The following PHC3 variants were observed in gnomAD, a reference collection of about 807,000 sequenced individuals.
The protein encoded by PHC3 is polyhomeotic-like protein 3.
A neutral mutation model predicts 107.4 loss-of-function variants in PHC3; 13 were observed. The observed-to-expected ratio is 0.12, with a 90% confidence interval of 0.08 to 0.19. PHC3 has a LOEUF of 0.19. Ranked by LOEUF, PHC3 falls within the 10% of genes least tolerant of loss-of-function variation. PHC3 has a pLI of 1.00. For synonymous variants in PHC3, 456 were observed against 427.4 expected (o/e 1.07, Z -0.83); for missense variants, 992 against 1,210.9 (o/e 0.82, Z 2.68).
At chr3:170,100,317 C>G (rs1179795875) in intron 14 of PHC3, among the ~76,000 whole-genome samples, 2 of 151,926 alleles carry the variant, frequency 1.3e-5, no homozygotes, top group Non-Finnish European at 2.9e-5. Flanking sequence ...AAAAGAAGCT[C>G]AAAACGAAAT....
At chr3:170,162,338 C>T (rs930573193) in intron 4 of PHC3, among the ~76,000 whole-genome samples, 4 of 152,182 alleles carry the variant, frequency 2.6e-5, no homozygotes, top group Admixed American at 6.5e-5. Context: ...GTGTCTAATA[C>T]ACATCATCAA....
intron 10 of PHC3, among the ~76,000 whole-genome samples, chr3:170,113,888 A>G (rs1718357786): frequency 6.6e-6 from 1 of 152,232 alleles, no homozygotes; most frequent in East Asian, 1.9e-4. Context: ...CCAACACTGA[A>G]AAACAAAGGC....
intron 4 of PHC3, among the ~76,000 whole-genome samples, chr3:170,153,776 A>AC (rs1409639695): frequency 2.0e-5 from 3 of 151,684 alleles, no homozygotes; most frequent in South Asian, 4.2e-4. Context: ...AAAAAAAAAA[A>AC]AAGAATCTTC....
At chr3:170,146,351 G>T (rs1724940270) in intron 5 of PHC3, among the ~76,000 whole-genome samples, 1 of 148,058 alleles carries the variant, frequency 6.8e-6, no homozygotes, top group Non-Finnish European at 1.5e-5. Context: ...CTCCAGCCTG[G>T]ATGACAGAGC....
intron 5 of PHC3, chr3:170,148,875 TA>T (rs1427838257): frequency 1.1e-4 from 51 of 471,552 alleles, no homozygotes; most frequent in African/African-American, 9.5e-4. Flanking sequence ...CTCAATGTAA[TA>T]ATTACTATTT....
rs923078619 is a variant in PHC3, at chr3:170,092,864, A to G, written c.*4366T>C. ...GACAGTGGGTATAGAGAGTGAAAGA[A>G]TGAGTCTGATTACAGGTAAATCTTG... is the stretch of plus-strand genomic sequence containing the variant. On this transcript the variant is annotated 3_prime_UTR_variant, in exon 15 of 15. Coordinates refer to ENST00000495893, the MANE Select transcript of PHC3 (RefSeq NM_024947.4). 2 of 152,246 alleles carry G rather than the reference A, an allele frequency of 1.3e-5. No individual in the cohort carries two copies. The highest frequency in any genetic ancestry group is 4.8e-5 in the African/African-American group (2 of 41,464). 9.4% of individuals were successfully genotyped at this position (152,246 alleles called of 1,614,324 possible).
intron 7 of PHC3, among the ~76,000 whole-genome samples, chr3:170,135,464 T>A (rs1012252362): frequency 6.6e-6 from 1 of 151,796 alleles, no homozygotes; most frequent in Non-Finnish European, 1.5e-5. Context: ...TTTTTTTTTT[T>A]AATGAAACAT....
intron 2 of PHC3, among the ~76,000 whole-genome samples, chr3:170,173,186 C>T (rs1201174533): frequency 6.6e-6 from 1 of 151,146 alleles, no homozygotes; most frequent in Non-Finnish European, 1.5e-5. Context: ...CAGCAAGACT[C>T]CCATCTCAAA....
intron 7 of PHC3, among the ~76,000 whole-genome samples, chr3:170,136,179 T>G (rs1401324959): frequency 6.6e-6 from 1 of 152,198 alleles, no homozygotes; most frequent in Non-Finnish European, 1.5e-5. Context: ...GACCAGTGCT[T>G]AAAGATGATA....
At chr3:170,172,480 A>G in intron 3 of PHC3, 77 bp downstream of exon 3, 1 of 1,474,960 alleles carries the variant, frequency 6.8e-7, no homozygotes, top group Non-Finnish European at 9.2e-7. Context: ...CTGAAATAAT[A>G]CCCAATCTAT....
chr3:170,181,153 AG>A (rs958923612), intron 1 of PHC3, among the ~76,000 whole-genome samples: 8 of 152,206 alleles, frequency 5.3e-5, no homozygotes, highest in African/African-American at 1.9e-4. Flanking sequence ...ACCTGCAAGC[AG>A]CCCCCGCCGC....
rs1445304496 is a variant in PHC3, at chr3:170,114,197, CG to C, written c.2194-679del. Among the ~76,000 whole-genome samples the C allele has an allele frequency of 9.9e-5, 15 of 152,060 alleles. No individual in the cohort carries two copies. In the East Asian group the frequency reaches 2.9e-3, roughly 29 times the overall value. ...GCTAATTTTGTATTTTTAGTAGAGA[CG>C]GGGTTTCTCCATGTTGGTCAGGCTG... On this transcript the variant is annotated intron_variant, in intron 10 of 14. Coordinates refer to ENST00000495893, the MANE Select transcript of PHC3 (RefSeq NM_024947.4).
At chr3:170,159,411 A>C (rs1198781853) in intron 4 of PHC3, among the ~76,000 whole-genome samples, 1 of 152,130 alleles carries the variant, frequency 6.6e-6, no homozygotes, top group Non-Finnish European at 1.5e-5. Flanking sequence ...AAATTTTTTA[A>C]AAGTCAAAGA....
rs777046281 is a variant in PHC3, at chr3:170,102,528, T to C, written c.2784A>G (p.Pro928=). 1.2e-6 allele frequency: 2 copies of C among 1,613,868 alleles called. No homozygotes were observed. The highest frequency in any genetic ancestry group is 1.7e-6 in the Non-Finnish European group (2 of 1,179,838). The change falls in exon 14 of 15, where the codon CCA becomes CCG. Residue 928 remains proline (P), a synonymous_variant. Transcript: ENST00000495893. ...SDLLPVAQTE[P]SIWTVDDVWA... is the part of the protein sequence containing the mutation. The stretch of plus-strand genomic sequence containing the variant: ...AGACATCATCAACTGTCCATATAGA[T>C]GGCTCTGTTTGTGCAACTGGTAGCA...
chr3:170,115,796 C>G lies in PHC3; in HGVS notation c.2193+1430G>C, dbSNP rs529351749. Among the ~76,000 whole-genome samples, 3 of 151,840 alleles carry G rather than the reference C, an allele frequency of 2.0e-5. No individual in the cohort carries two copies. In the South Asian group the frequency reaches 6.2e-4, roughly 32 times the overall value. ...GTTTGAATGACTTGACAAAGGTTAC[C>G]CAGTCAGTATGGAGCAGACAGGGAA... On this transcript the variant is annotated intron_variant, in intron 10 of 14. Coordinates refer to ENST00000495893, the MANE Select transcript of PHC3 (RefSeq NM_024947.4).
At chr3:170,124,676 T>C (rs1376490498) in intron 8 of PHC3, among the ~76,000 whole-genome samples, 1 of 152,226 alleles carries the variant, frequency 6.6e-6, no homozygotes, top group Non-Finnish European at 1.5e-5. Flanking sequence ...CCCACAAATG[T>C]TAACAAACAA....
Position 170,171,917 on chromosome 3 carries a change from G to C in PHC3, c.337-467C>G, listed in dbSNP as rs115362213. On this transcript the variant is annotated intron_variant, in intron 3 of 14. Coordinates refer to ENST00000495893, the MANE Select transcript of PHC3 (RefSeq NM_024947.4). The stretch of plus-strand genomic sequence containing the variant: ...GTCAATTGAGATCCTCCTCTGGTGA[G>C]GGGATTTAAGATTAAATCTTACACA... Among the ~76,000 whole-genome samples the C allele has an allele frequency of 8.8e-3, 1,345 of 152,274 alleles. 10 individuals are homozygous for C. Among genetic ancestry groups the C allele is most frequent in the Middle Eastern group, 0.034 (10 of 294 alleles).
chr3:170,151,150 G>A (rs1725904321), intron 4 of PHC3, among the ~76,000 whole-genome samples: 1 of 152,086 alleles, frequency 6.6e-6, no homozygotes, highest in Non-Finnish European at 1.5e-5. Context: ...GGCGGAGGTT[G>A]CAGTGACCCA....
chr3:170,181,546 A>C (rs1043329952), intron 1 of PHC3, 156 bp downstream of exon 1: 2 of 1,090,272 alleles, frequency 1.8e-6, no homozygotes, highest in African/African-American at 3.1e-5. Flanking sequence ...GCCCCGCGAC[A>C]CGGGCCTAGC....
Sources: gnomAD v4.1 joint callset for allele counts (sites outside exome capture counted in the v4.1 genomes callset) on GRCh38, gnomAD v4.1.1 for gene constraint, MANE v1.5 for transcripts, NCBI Gene and HGNC (gene_info 2026-07-23, HGNC 2026-07-21) for gene names.